Variants in CELF2 observed in about 807,000 individuals in gnomAD.
CELF2 encodes the protein CUGBP Elav-like family member 2.
In CELF2, 8 loss-of-function variants were observed where a neutral mutation model predicts 62.6. The ratio of observed to expected loss-of-function variants is 0.13; its 90% CI spans 0.07 to 0.23. The LOEUF is 0.23. Ranked by LOEUF, CELF2 falls within the 10% of genes least tolerant of loss-of-function variation. The pLI, the probability that CELF2 is intolerant of heterozygous loss-of-function variation, is 1.00. For synonymous variants in CELF2, 258 were observed against 250.0 expected, an observed-to-expected ratio of 1.03 and a Z score of -0.30; for missense variants, 333 against 671.0, an observed-to-expected ratio of 0.50 and a Z score of 5.56.
chr10:10,830,728 G>A (rs753229511), intron 1 of CELF2, among the ~76,000 whole-genome samples: 79 of 151,890 alleles, frequency 5.2e-4, no homozygotes, highest in Non-Finnish European at 8.8e-4. Context: ...GAAAGCATTC[G>A]CGTAAAGAAA....
At chr10:10,537,383 T>C in the CELF2 span, among the ~76,000 whole-genome samples, 2,311 of 152,228 alleles carry the variant, frequency 0.015, 54 homozygotes, top group African/African-American at 0.052. Flanking sequence ...TCCAAGGATA[T>C]AAACCATGGG....
At chr10:10,666,610 C>T in the CELF2 span, among the ~76,000 whole-genome samples, 1 of 75,828 alleles carries the variant, frequency 1.3e-5, no homozygotes, top group Admixed American at 1.2e-4. Context: ...CGCCTGTAAT[C>T]CCAGCACTTT....
At chr10:11,082,429 C>T (rs909330299) in intron 1 of CELF2, among the ~76,000 whole-genome samples, 2 of 152,150 alleles carry the variant, frequency 1.3e-5, no homozygotes, top group East Asian at 1.9e-4. Context: ...TCAACAGAAA[C>T]GTACTGATGG....
the CELF2 span, among the ~76,000 whole-genome samples, chr10:10,730,341 G>A: frequency 6.6e-6 from 1 of 152,170 alleles, no homozygotes; most frequent in Non-Finnish European, 1.5e-5. Context: ...ACTGGGCATG[G>A]TGATGCATGC....
intron 1 of CELF2, among the ~76,000 whole-genome samples, chr10:11,122,441 T>TA (rs1346219326): frequency 6.6e-6 from 1 of 152,232 alleles, no homozygotes; most frequent in South Asian, 2.1e-4. Context: ...TTGTCAAAGT[T>TA]AAAAAACCTA....
chr10:10,654,184 T>A, the CELF2 span, among the ~76,000 whole-genome samples: 1 of 132,688 alleles, frequency 7.5e-6, no homozygotes, highest in Non-Finnish European at 1.7e-5. Context: ...GTTGAATCTC[T>A]GAATAGACCA....
At chr10:10,612,133 C>A in the CELF2 span, among the ~76,000 whole-genome samples, 10 of 152,244 alleles carry the variant, frequency 6.6e-5, no homozygotes, top group African/African-American at 1.9e-4. Context: ...ATGACAGTGG[C>A]TTTTATCCCC....
intron 1 of CELF2, among the ~76,000 whole-genome samples, chr10:10,890,276 C>T (rs939212055): frequency 3.9e-5 from 6 of 152,042 alleles, no homozygotes; most frequent in African/African-American, 1.4e-4. Context: ...AGGCATGGAT[C>T]GCTCAAAGGT....
intron 9 of CELF2, among the ~76,000 whole-genome samples, chr10:11,292,680 G>A (rs1389291317): frequency 1.3e-5 from 2 of 152,088 alleles, no homozygotes; most frequent in African/African-American, 4.8e-5. Context: ...TGGACAAAGA[G>A]GCTGTCTCCC....
intron 2 of CELF2, among the ~76,000 whole-genome samples, chr10:11,216,368 G>A (rs574056989): frequency 1.2e-4 from 19 of 152,222 alleles, no homozygotes; most frequent in African/African-American, 4.3e-4. Context: ...GGCTCCGTGC[G>A]TTATGTTCCT....
At chr10:11,077,179 A>G (rs956892785) in intron 1 of CELF2, among the ~76,000 whole-genome samples, 2 of 152,208 alleles carry the variant, frequency 1.3e-5, no homozygotes, top group Non-Finnish European at 2.9e-5. Context: ...TTATCATTAT[A>G]AATACCAGAT....
intron 1 of CELF2, among the ~76,000 whole-genome samples, chr10:10,879,003 C>G (rs1243840499): frequency 6.6e-6 from 1 of 152,092 alleles, no homozygotes; most frequent in African/African-American, 2.4e-5. Context: ...TGTTCCTGTT[C>G]GTTTTTTGTC....
chr10:10,522,281 A>G, the CELF2 span, among the ~76,000 whole-genome samples: 1 of 152,224 alleles, frequency 6.6e-6, no homozygotes, highest in Non-Finnish European at 1.5e-5. Flanking sequence ...TTAATTTTTT[A>G]TAACCATTCA....
Position 11,156,165 on chromosome 10 carries a change from A to G in CELF2, c.75-9321A>G, listed in dbSNP as rs1328577458. The stretch of plus-strand genomic sequence containing the variant: ...TCAGGACAGTGGCTGTTCAGGGACA[A>G]GTGGACCCAGCGGGCATTTGGAGAA... On this transcript the variant is annotated intron_variant, in intron 1 of 12. Coordinates refer to ENST00000633077, the MANE Select transcript of CELF2 (RefSeq NM_001326342.2). The surrounding 1 kb of genome is among the most constrained non-coding windows in gnomAD (Gnocchi z 4.3). Among the ~76,000 whole-genome samples the G allele has an allele frequency of 6.6e-6, 1 of 152,180 alleles. No individual in the cohort carries two copies. Among genetic ancestry groups the G allele is most frequent in the East Asian group, 1.9e-4 (1 of 5,200 alleles).
intron 1 of CELF2, among the ~76,000 whole-genome samples, chr10:10,907,190 A>T (rs562093220): frequency 6.6e-6 from 1 of 152,304 alleles, no homozygotes; most frequent in Admixed American, 6.5e-5. Context: ...GGCCCTAGAG[A>T]TTTAAATACC....
intron 1 of CELF2, among the ~76,000 whole-genome samples, chr10:10,836,054 T>A (rs1304224050): frequency 2.0e-5 from 3 of 152,108 alleles, no homozygotes; most frequent in Non-Finnish European, 2.9e-5. Context: ...TTCTTAGGCA[T>A]CCAAGAATAG....
At chr10:10,700,734 A>G in the CELF2 span, among the ~76,000 whole-genome samples, 1 of 152,226 alleles carries the variant, frequency 6.6e-6, no homozygotes, top group Non-Finnish European at 1.5e-5. Flanking sequence ...CAAATTGATC[A>G]TTCTTTGTCT....
chr10:11,092,699 A>G (rs1002497117), intron 1 of CELF2, among the ~76,000 whole-genome samples: 9 of 152,196 alleles, frequency 5.9e-5, no homozygotes, highest in African/African-American at 2.2e-4. Context: ...TTCTCTGGGT[A>G]TAGACAAGGC....
chr10:10,726,001 A>G, the CELF2 span, among the ~76,000 whole-genome samples: 8 of 152,206 alleles, frequency 5.3e-5, no homozygotes, highest in African/African-American at 1.9e-4. Context: ...AAAAGCCAGA[A>G]GGACTCATTC....
Sources: gnomAD v4.1 joint callset for allele counts (sites outside exome capture counted in the v4.1 genomes callset) on GRCh38, gnomAD v4.1.1 for gene constraint, Gnocchi (gnomAD v3.1) non-coding constraint, MANE v1.5 for transcripts, NCBI Gene and HGNC (gene_info 2026-07-23, HGNC 2026-07-21) for gene names.